The following CSMD1 variants were observed in gnomAD, a reference collection of about 807,000 sequenced individuals.
The protein encoded by CSMD1 is CUB and Sushi multiple domains 1.
Under a neutral mutation model 417.5 loss-of-function variants are expected in CSMD1, and 213 were observed. The ratio of observed to expected loss-of-function variants is 0.51; its 90% CI spans 0.46 to 0.57. The LOEUF is 0.57. Ranked by LOEUF, CSMD1 falls within the 20% of genes least tolerant of loss-of-function variation. CSMD1 has a pLI of 0.00. For missense variants in CSMD1, 6,923 were observed against 4,529.7 expected (o/e 1.53, Z -15.17); for synonymous variants, 2,862 against 1,736.8 (o/e 1.65, Z -16.11).
chr8:4,765,069 A>T (rs1380856102), intron 1 of CSMD1, among the ~76,000 whole-genome samples: 1 of 152,128 alleles, frequency 6.6e-6, no homozygotes, highest in Non-Finnish European at 1.5e-5. Context: ...ATCACACAGC[A>T]TGAGGAACAG....
chr8:4,048,279 A>C (rs191705353), intron 3 of CSMD1, among the ~76,000 whole-genome samples: 1 of 152,308 alleles, frequency 6.6e-6, no homozygotes, highest in African/African-American at 2.4e-5. Context: ...TTTTACACTA[A>C]TTATGAGCAT....
intron 1 of CSMD1, among the ~76,000 whole-genome samples, chr8:4,734,976 T>C (rs1245894037): frequency 1.3e-5 from 2 of 152,178 alleles, no homozygotes; most frequent in Non-Finnish European, 2.9e-5. Flanking sequence ...AGTTTCCATA[T>C]GGATGTTATA....
intron 5 of CSMD1, among the ~76,000 whole-genome samples, chr8:3,868,909 C>A (rs1805288064): frequency 1.3e-5 from 2 of 152,194 alleles, no homozygotes. Flanking sequence ...ATCTTTCCAA[C>A]ATCCTCCCTG....
chr8:4,728,986 G>T (rs148456999), intron 1 of CSMD1, among the ~76,000 whole-genome samples: 20 of 152,272 alleles, frequency 1.3e-4, no homozygotes, highest in African/African-American at 4.8e-4. Context: ...TTAGAGGAGG[G>T]AGACTGTGGT....
At chr8:4,434,138 G>A (rs953906731) in intron 2 of CSMD1, among the ~76,000 whole-genome samples, 16 of 152,184 alleles carry the variant, frequency 1.1e-4, no homozygotes, top group Non-Finnish European at 1.9e-4. Flanking sequence ...AGGAGTTTGA[G>A]AACAGCTTGG....
intron 1 of CSMD1, among the ~76,000 whole-genome samples, chr8:4,878,210 G>T (rs1027325111): frequency 6.6e-6 from 1 of 151,934 alleles, no homozygotes; most frequent in East Asian, 1.9e-4. Flanking sequence ...CACAAGAAAA[G>T]ATAAGGTGAG....
chr8:4,146,594 ATTTTTTTTTTTTTTTTT>A (rs71205423), intron 3 of CSMD1, among the ~76,000 whole-genome samples: 3 of 64,242 alleles, frequency 4.7e-5, no homozygotes, highest in African/African-American at 8.1e-5. Flanking sequence ...ATATGGACAC[ATTTTTTTTTTTTTTTTT>A]TTTTTTTTTT....
At chr8:4,114,158 C>G (rs1802009792) in intron 3 of CSMD1, among the ~76,000 whole-genome samples, 1 of 152,204 alleles carries the variant, frequency 6.6e-6, no homozygotes, top group South Asian at 2.1e-4. Context: ...GGCTTAAAAA[C>G]TTCAAAGGAC....
intron 1 of CSMD1, among the ~76,000 whole-genome samples, chr8:4,647,545 T>G (rs573384926): frequency 2.0e-5 from 3 of 152,222 alleles, no homozygotes; most frequent in East Asian, 3.9e-4. Context: ...TATTGACCCC[T>G]CCTCTAAGTT....
intron 26 of CSMD1, among the ~76,000 whole-genome samples, chr8:3,244,374 G>T (rs1233212046): frequency 6.6e-6 from 1 of 152,144 alleles, no homozygotes; most frequent in Non-Finnish European, 1.5e-5. Flanking sequence ...CCTAGGACGT[G>T]TCCTCCCCCA....
intron 2 of CSMD1, among the ~76,000 whole-genome samples, chr8:4,443,382 A>C (rs779372965): frequency 2.6e-5 from 4 of 152,216 alleles, no homozygotes; most frequent in African/African-American, 4.8e-5. Flanking sequence ...TTGATAACAA[A>C]GGCAACAAAA....
chr8:4,324,006 G>T (rs1226717396), intron 3 of CSMD1, among the ~76,000 whole-genome samples: 1 of 152,158 alleles, frequency 6.6e-6, no homozygotes, highest in African/African-American at 2.4e-5. Flanking sequence ...CCTGGGAATG[G>T]CAGGCACAGC....
chr8:4,055,162 T>C (rs990323890), intron 3 of CSMD1, among the ~76,000 whole-genome samples: 1 of 152,198 alleles, frequency 6.6e-6, no homozygotes, highest in Admixed American at 6.5e-5. Flanking sequence ...GTTTGAAATA[T>C]GAATTTCTCA....
chr8:4,726,853 G>C (rs1809492567), intron 1 of CSMD1, among the ~76,000 whole-genome samples: 1 of 152,136 alleles, frequency 6.6e-6, no homozygotes, highest in Admixed American at 6.5e-5. Context: ...GACCTGAAAA[G>C]CTGAAATAGT....
intron 6 of CSMD1, among the ~76,000 whole-genome samples, chr8:3,737,037 C>T (rs925876199): frequency 1.3e-5 from 2 of 152,102 alleles, no homozygotes; most frequent in African/African-American, 2.4e-5. Flanking sequence ...TGATTACGTC[C>T]AATTATAAAG....
intron 1 of CSMD1, among the ~76,000 whole-genome samples, chr8:4,767,348 A>G (rs1812533318): frequency 6.6e-6 from 1 of 152,216 alleles, no homozygotes; most frequent in Admixed American, 6.5e-5. Context: ...AGACTTGTGA[A>G]GAAAATCACA....
intron 2 of CSMD1, among the ~76,000 whole-genome samples, chr8:4,616,667 A>T (rs1801491699): frequency 6.6e-6 from 1 of 152,216 alleles, no homozygotes; most frequent in South Asian, 2.1e-4. Flanking sequence ...GAAAGAGCCA[A>T]CAGTAAACTG....
intron 1 of CSMD1, among the ~76,000 whole-genome samples, chr8:4,703,528 T>A (rs1807722502): frequency 6.6e-6 from 1 of 152,200 alleles, no homozygotes; most frequent in African/African-American, 2.4e-5. Context: ...ATTGATACAG[T>A]TTTTATCAAT....
chr8:3,008,157 G>C (rs887182323), intron 52 of CSMD1, among the ~76,000 whole-genome samples: 2 of 152,196 alleles, frequency 1.3e-5, no homozygotes, highest in African/African-American at 2.4e-5. Context: ...AATAGAGTAT[G>C]TCGCAAGCAA....
Sources: allele counts gnomAD v4.1 joint callset (sites outside exome capture counted in the v4.1 genomes callset), GRCh38; gene constraint gnomAD v4.1.1; transcripts MANE v1.5; gene names NCBI Gene and HGNC (gene_info 2026-07-23, HGNC 2026-07-21).